The following CSMD1 variants were observed in gnomAD, a reference collection of about 807,000 sequenced individuals.
CSMD1 encodes the protein CUB and sushi domain-containing protein 1.
CSMD1 carries 213 observed loss-of-function variants against 417.5 expected under a neutral mutation model. The observed-to-expected ratio is 0.51, with a 90% confidence interval of 0.46 to 0.57. The LOEUF is 0.57. Among genes scored for constraint, CSMD1 ranks in the 20% least tolerant of loss-of-function variants. CSMD1 has a pLI of 0.00. For missense variants in CSMD1, 6,923 were observed against 4,529.7 expected (o/e 1.53, Z -15.17); for synonymous variants, 2,862 against 1,736.8 (o/e 1.65, Z -16.11).
chr8:3,209,047 C>T (rs62502950), intron 30 of CSMD1, among the ~76,000 whole-genome samples: 1 of 152,040 alleles, frequency 6.6e-6, no homozygotes, highest in African/African-American at 2.4e-5. Context: ...ACACTTTGTG[C>T]AAGCATAGAA....
intron 3 of CSMD1, among the ~76,000 whole-genome samples, chr8:4,157,563 C>A (rs551434795): frequency 6.6e-6 from 1 of 152,108 alleles, no homozygotes; most frequent in East Asian, 1.9e-4. Context: ...GTTGTCATTC[C>A]CCCGTATTGC....
At chr8:3,538,411 T>A (rs564826899) in intron 10 of CSMD1, among the ~76,000 whole-genome samples, 14 of 151,930 alleles carry the variant, frequency 9.2e-5, no homozygotes, top group African/African-American at 3.4e-4. Context: ...ATGCCTCACC[T>A]AAAATGGTGC....
At chr8:3,600,778 T>C (rs1801325032) in intron 8 of CSMD1, among the ~76,000 whole-genome samples, 1 of 151,944 alleles carries the variant, frequency 6.6e-6, no homozygotes, top group Admixed American at 6.5e-5. Flanking sequence ...TAGCAGTCAT[T>C]GTTCTTCCAT....
At chr8:4,190,564 G>C (rs186132235) in intron 3 of CSMD1, among the ~76,000 whole-genome samples, 6 of 147,810 alleles carry the variant, frequency 4.1e-5, no homozygotes, top group African/African-American at 1.5e-4. Context: ...TTAACTGAAA[G>C]AGACTCTGAT....
At chr8:4,139,504 A>T (rs1233242075) in intron 3 of CSMD1, among the ~76,000 whole-genome samples, 1 of 145,468 alleles carries the variant, frequency 6.9e-6, no homozygotes, top group African/African-American at 2.8e-5. Flanking sequence ...AATGGTCTGC[A>T]TTCAGTGTTG....
intron 2 of CSMD1, among the ~76,000 whole-genome samples, chr8:4,464,951 T>A (rs931043390): frequency 6.6e-6 from 1 of 152,120 alleles, no homozygotes; most frequent in African/African-American, 2.4e-5. Flanking sequence ...CCAGATGTGC[T>A]TCCTCCCACT....
intron 26 of CSMD1, among the ~76,000 whole-genome samples, chr8:3,280,493 C>T (rs1207344693): frequency 2.0e-5 from 3 of 152,064 alleles, no homozygotes; most frequent in African/African-American, 7.2e-5. Flanking sequence ...GCAGAAAATC[C>T]TTCATTTAAA....
chr8:3,536,695 CCCTCAG>C (rs1798214959), intron 10 of CSMD1, among the ~76,000 whole-genome samples: 1 of 152,108 alleles, frequency 6.6e-6, no homozygotes, highest in African/African-American at 2.4e-5. Flanking sequence ...AGGATCTGTG[CCCTCAG>C]AGCAGCCTCC....
At chr8:4,740,679 C>G (rs996011130) in intron 1 of CSMD1, among the ~76,000 whole-genome samples, 1 of 152,158 alleles carries the variant, frequency 6.6e-6, no homozygotes, top group Non-Finnish European at 1.5e-5. Context: ...GGATGAGAAT[C>G]TACTCAAGGA....
chr8:4,074,595 C>G lies in CSMD1; in HGVS notation c.416-42496G>C, dbSNP rs551465974. On this transcript the variant is annotated intron_variant, in intron 3 of 69. Transcript: ENST00000635120. The stretch of plus-strand genomic sequence containing the variant: ...CGACATAAATTATTCTACCACAAAT[C>G]ATTTCAAACTACTGTCCTACATTTG... Among the ~76,000 whole-genome samples, 26 of 152,248 alleles carry G rather than the reference C, an allele frequency of 1.7e-4. No individual in the cohort carries two copies. In the South Asian group the frequency reaches 2.1e-3, roughly 12 times the overall value.
chr8:3,711,293 G>A (rs1200982390), intron 6 of CSMD1, among the ~76,000 whole-genome samples: 1 of 152,134 alleles, frequency 6.6e-6, no homozygotes, highest in African/African-American at 2.4e-5. Context: ...TAGACCACAG[G>A]GATCCTGGCA....
At chr8:4,051,191 C>G (rs1798406141) in intron 3 of CSMD1, among the ~76,000 whole-genome samples, 1 of 15,610 alleles carries the variant, frequency 6.4e-5, no homozygotes, top group African/African-American at 1.7e-4. Context: ...TGCTGAGAAT[C>G]TCTGCTGAGA....
chr8:3,898,885 G>C (rs1057457489), intron 5 of CSMD1, among the ~76,000 whole-genome samples: 1 of 152,106 alleles, frequency 6.6e-6, no homozygotes, highest in African/African-American at 2.4e-5. Flanking sequence ...GGTCCCCTTA[G>C]GGGTTACAGT....
chr8:3,988,275 G>A (rs948764866), intron 5 of CSMD1, among the ~76,000 whole-genome samples: 9 of 152,118 alleles, frequency 5.9e-5, no homozygotes, highest in Admixed American at 5.2e-4. Context: ...GTCCCAGAAG[G>A]CCATTATAAA....
chr8:3,406,139 C>A lies in CSMD1; in HGVS notation c.2154G>T (p.Ser718=). The change falls in exon 15 of 70, where the codon TCG becomes TCT. Residue 718 remains serine, a synonymous_variant. Coordinates refer to ENST00000635120, the MANE Select transcript of CSMD1 (RefSeq NM_033225.6). ...RFGDRFLLGS[S]VSFHCDDGFV... Reference sequence around the variant, plus strand: ...AGCCATCATCACAGTGGAAAGAAACCGAGCTCCCGAGTAGAAACCTGTCAC... The same window carrying A: ...AGCCATCATCACAGTGGAAAGAAACAGAGCTCCCGAGTAGAAACCTGTCAC... The A allele has an allele frequency of 6.2e-7, 1 of 1,613,676 alleles. No homozygotes were observed. The highest frequency in any genetic ancestry group is 8.5e-7 in the Non-Finnish European group (1 of 1,179,826).
At chr8:3,616,036 G>C (rs755051289) in intron 8 of CSMD1, among the ~76,000 whole-genome samples, 3 of 152,106 alleles carry the variant, frequency 2.0e-5, no homozygotes, top group Admixed American at 6.6e-5. Flanking sequence ...TTTACTGACT[G>C]ATACTAACAT....
At chr8:4,473,342 T>A (rs1800634972) in intron 2 of CSMD1, among the ~76,000 whole-genome samples, 1 of 152,210 alleles carries the variant, frequency 6.6e-6, no homozygotes, top group Non-Finnish European at 1.5e-5. Context: ...AGAGACAACC[T>A]GATGCCATTG....
intron 7 of CSMD1, among the ~76,000 whole-genome samples, chr8:3,707,990 T>G (rs368347069): frequency 2.0e-5 from 3 of 152,344 alleles, no homozygotes. Context: ...GCCCGAAAGC[T>G]ACTTTACTCT....
intron 5 of CSMD1, among the ~76,000 whole-genome samples, chr8:3,984,981 A>G (rs1269278093): frequency 5.9e-5 from 9 of 152,086 alleles, no homozygotes; most frequent in Admixed American, 5.2e-4. Context: ...GGAAAGATGG[A>G]TTATTCCGAT....
Sources: allele counts gnomAD v4.1 joint callset (sites outside exome capture counted in the v4.1 genomes callset), GRCh38; gene constraint gnomAD v4.1.1; transcripts MANE v1.5; gene names NCBI Gene and HGNC (gene_info 2026-07-23, HGNC 2026-07-21).